Variants in EYS observed in about 807,000 individuals in gnomAD.
EYS encodes the protein protein eyes shut homolog.
In EYS, 250 loss-of-function variants were observed where a neutral mutation model predicts 282.1. That is an observed-to-expected ratio of 0.89 (90% CI 0.80 to 0.98). The LOEUF is 0.98. Ranked by LOEUF, EYS falls within the 50% of genes least tolerant of loss-of-function variation. The pLI is 0.00. For synonymous variants in EYS, 1,355 were observed against 1,282.9 expected, an observed-to-expected ratio of 1.06 and a Z score of -1.20; for missense variants, 4,016 against 3,709.0, an observed-to-expected ratio of 1.08 and a Z score of -2.15.
At chr6:63,960,601 A>G (rs947201297) in intron 35 of EYS, among the ~76,000 whole-genome samples, 2 of 152,220 alleles carry the variant, frequency 1.3e-5, no homozygotes, top group African/African-American at 4.8e-5. Context: ...TCAATGTGAC[A>G]AACTTTATTA....
intron 30 of EYS, among the ~76,000 whole-genome samples, chr6:64,280,762 GCTC>G (rs921852948): frequency 7.9e-5 from 12 of 152,196 alleles, no homozygotes; most frequent in African/African-American, 2.9e-4. Flanking sequence ...AAGTCATCTA[GCTC>G]CAGGGGGCAC....
rs1327675387 is a variant in EYS, at chr6:65,131,941, T to TA, written c.2024-74215_2024-74214insT. ...ACTGTCAGAAACTACCATGAACACC[T>TA]CTATGCACACAAACTGGAAAACTTA... On this transcript the variant is annotated intron_variant, in intron 12 of 42. Coordinates refer to ENST00000503581, the MANE Select transcript of EYS (RefSeq NM_001142800.2). Among the ~76,000 whole-genome samples, 62 of 151,852 alleles carry TA rather than the reference T, an allele frequency of 4.1e-4. 3 individuals carry two copies. Among genetic ancestry groups the TA allele is most frequent in the Admixed American group, 4.0e-3 (61 of 15,188 alleles).
chr6:65,471,642 A>AT (rs1449007879), intron 5 of EYS, among the ~76,000 whole-genome samples: 1 of 152,160 alleles, frequency 6.6e-6, no homozygotes, highest in Non-Finnish European at 1.5e-5. Context: ...AGCCAGAGCC[A>AT]TTAGAAAGAA....
At chr6:64,722,973 A>G (rs950461003) in intron 22 of EYS, among the ~76,000 whole-genome samples, 1 of 152,084 alleles carries the variant, frequency 6.6e-6, no homozygotes, top group African/African-American at 2.4e-5. Flanking sequence ...TCACATTCTT[A>G]ATACTTTTAG....
chr6:64,290,228 C>A (rs1409804051), intron 30 of EYS, among the ~76,000 whole-genome samples: 1 of 152,096 alleles, frequency 6.6e-6, no homozygotes, highest in Non-Finnish European at 1.5e-5. Context: ...GTAACTCCCT[C>A]TTTTATTATA....
At chr6:64,943,320 A>G (rs1436455185) in intron 15 of EYS, among the ~76,000 whole-genome samples, 2 of 152,068 alleles carry the variant, frequency 1.3e-5, no homozygotes, top group Non-Finnish European at 2.9e-5. Flanking sequence ...ACTTCTATTC[A>G]ACACAGTACC....
intron 5 of EYS, among the ~76,000 whole-genome samples, chr6:65,484,882 G>C (rs74888513): frequency 0.017 from 2,579 of 152,226 alleles, 69 homozygotes; most frequent in African/African-American, 0.057. Context: ...AAGTTTTATT[G>C]ATATAGTGAA....
intron 40 of EYS, among the ~76,000 whole-genome samples, chr6:63,766,774 A>G (rs560828501): frequency 7.9e-5 from 12 of 151,974 alleles, no homozygotes; most frequent in Non-Finnish European, 1.8e-4. Flanking sequence ...TTTAGTCACC[A>G]TTTTATGTCT....
chr6:63,897,728 G>C (rs1426149389), intron 35 of EYS, among the ~76,000 whole-genome samples: 1 of 152,206 alleles, frequency 6.6e-6, no homozygotes, highest in African/African-American at 2.4e-5. Context: ...TTTCTGCACT[G>C]GGCCATCTGG....
intron 28 of EYS, among the ~76,000 whole-genome samples, chr6:64,397,561 G>C (rs1474209035): frequency 6.6e-6 from 1 of 151,784 alleles, no homozygotes; most frequent in African/African-American, 2.4e-5. Context: ...TTCAGTTATT[G>C]GCAAAAATGT....
intron 12 of EYS, among the ~76,000 whole-genome samples, chr6:65,122,187 T>G (rs917607300): frequency 6.6e-6 from 1 of 152,092 alleles, no homozygotes; most frequent in Non-Finnish European, 1.5e-5. Context: ...AAACATTAAA[T>G]AAAGTACAGA....
chr6:64,265,576 G>C (rs1007328205), intron 30 of EYS, among the ~76,000 whole-genome samples: 8 of 152,152 alleles, frequency 5.3e-5, no homozygotes, highest in Middle Eastern at 3.2e-3. Flanking sequence ...GTTTTGAACA[G>C]GTAGTGATCA....
chr6:63,899,205 C>A (rs1773605127), intron 35 of EYS, among the ~76,000 whole-genome samples: 1 of 152,130 alleles, frequency 6.6e-6, no homozygotes, highest in Non-Finnish European at 1.5e-5. Context: ...ATTCAAGGTC[C>A]CTACCAGACT....
At chr6:64,302,201 A>T (rs1477513184) in intron 30 of EYS, among the ~76,000 whole-genome samples, 1 of 152,146 alleles carries the variant, frequency 6.6e-6, no homozygotes, top group African/African-American at 2.4e-5. Flanking sequence ...CCACCCAATC[A>T]CATCAATTCT....
chr6:65,557,841 A>G (rs1486903021), intron 2 of EYS, among the ~76,000 whole-genome samples: 1 of 152,168 alleles, frequency 6.6e-6, no homozygotes, highest in Non-Finnish European at 1.5e-5. Flanking sequence ...TCCTTTCCAC[A>G]GACAGGTCTT....
At chr6:64,305,285 A>G (rs1430333884) in intron 30 of EYS, among the ~76,000 whole-genome samples, 1 of 152,172 alleles carries the variant, frequency 6.6e-6, no homozygotes, top group African/African-American at 2.4e-5. Flanking sequence ...ATGGAATCAC[A>G]TCTCATGTTT....
chr6:64,296,073 T>C (rs1768971124), intron 30 of EYS, among the ~76,000 whole-genome samples: 1 of 152,246 alleles, frequency 6.6e-6, no homozygotes, highest in African/African-American at 2.4e-5. Context: ...GAGTATAAAA[T>C]GCCCATTGAT....
chr6:64,974,946 A>G (rs1770425596), intron 14 of EYS, among the ~76,000 whole-genome samples: 1 of 151,888 alleles, frequency 6.6e-6, no homozygotes, highest in African/African-American at 2.4e-5. Flanking sequence ...TTATTAGTTC[A>G]TTTTATACAA....
chr6:64,488,776 G>A (rs1023189209), intron 26 of EYS, among the ~76,000 whole-genome samples: 2 of 150,866 alleles, frequency 1.3e-5, no homozygotes, highest in African/African-American at 2.4e-5. Context: ...CTTTGTCATC[G>A]TATCCATGGA....
Sources: allele counts gnomAD v4.1 joint callset (sites outside exome capture counted in the v4.1 genomes callset), GRCh38; gene constraint gnomAD v4.1.1; transcripts MANE v1.5; gene names NCBI Gene and HGNC (gene_info 2026-07-23, HGNC 2026-07-21).